The following CRYBG1 variants were observed in gnomAD, a reference collection of about 807,000 sequenced individuals.
The protein encoded by CRYBG1 is beta/gamma crystallin domain-containing protein 1.
In CRYBG1, 139 loss-of-function variants were observed where a neutral mutation model predicts 189.2. The observed-to-expected ratio is 0.73, with a 90% CI of 0.64 to 0.85. CRYBG1 has a LOEUF of 0.85. Among genes scored for constraint, CRYBG1 ranks in the 40% least tolerant of loss-of-function variants. CRYBG1 has a pLI of 0.00. For synonymous variants in CRYBG1, 1,023 were observed against 1,017.1 expected (o/e 1.01, Z -0.11); for missense variants, 2,611 against 2,675.8 (o/e 0.98, Z 0.53).
At chr6:106,390,186 G>A (rs1327660875) in intron 1 of CRYBG1, among the ~76,000 whole-genome samples, 1 of 152,092 alleles carries the variant, frequency 6.6e-6, no homozygotes, top group Non-Finnish European at 1.5e-5. Flanking sequence ...AAATGGAGCT[G>A]TAAAGAAAAC....
At position 106,536,880 on chromosome 6, in the gene CRYBG1, G is replaced by T. The variant is rs1269517075; in HGVS notation, c.4719-2523G>T. On this transcript the variant is annotated intron_variant, in intron 8 of 21. Transcript: ENST00000633556. The stretch of plus-strand genomic sequence containing the variant: ...GAGATAGTTTCCCCCTCTCCTGATG[G>T]CCTCATAAATAATGTATCTTATTGG... 5.9e-5 allele frequency among the ~76,000 whole-genome samples: 9 copies of T among 152,242 alleles called. No homozygotes were observed. The East Asian group carries it at 1.7e-3, about 29-fold the overall frequency.
chr6:106,388,180 G>A (rs1201247867), intron 1 of CRYBG1, among the ~76,000 whole-genome samples: 1 of 152,122 alleles, frequency 6.6e-6, no homozygotes, highest in East Asian at 1.9e-4. Context: ...AATAGTAGAG[G>A]GGTAAATCAC....
intron 1 of CRYBG1, among the ~76,000 whole-genome samples, chr6:106,383,326 G>A (rs1046976021): frequency 2.0e-5 from 3 of 152,186 alleles, no homozygotes; most frequent in Admixed American, 6.5e-5. Context: ...ATCTAGCCCA[G>A]TTGGGATTAG....
At chr6:106,416,021 G>A (rs1444467469) in intron 1 of CRYBG1, among the ~76,000 whole-genome samples, 5 of 152,048 alleles carry the variant, frequency 3.3e-5, no homozygotes, top group African/African-American at 1.2e-4. Flanking sequence ...TGCCAGCTTT[G>A]CGGTGCCCAT....
intron 1 of CRYBG1, among the ~76,000 whole-genome samples, chr6:106,379,482 C>T (rs553431122): frequency 3.3e-5 from 5 of 151,724 alleles, no homozygotes; most frequent in East Asian, 2.0e-4. Flanking sequence ...AGGATGGTCT[C>T]GATCTCCTGA....
Position 106,560,901 on chromosome 6 carries a change from T to A in CRYBG1, c.5954T>A (p.Ile1985Lys). The stretch of plus-strand genomic sequence containing the variant: ...TATGAATTCAGTGGCTGTCGCCAAA[T>A]AGGTTCTCTACGACCTTTTGTTCAG... The part of the protein sequence containing the change: ...NWYEFSGCRQ[I>K]GSLRPFVQKR... Residue 1985 changes from isoleucine (I) to lysine (K), a missense_variant, in exon 19 of 22, where the codon ATA becomes AAA. Ile to Lys is a moderately radical substitution (Grantham distance 102). Coordinates refer to ENST00000633556, the MANE Select transcript of CRYBG1 (RefSeq NM_001371242.2). 1 of 1,612,412 alleles carries A rather than the reference T, an allele frequency of 6.2e-7. No individual in the cohort carries two copies. The highest frequency in any genetic ancestry group is 8.5e-7 in the Non-Finnish European group (1 of 1,179,230).
At chr6:106,557,799 T>A (rs1465489235) in intron 17 of CRYBG1, among the ~76,000 whole-genome samples, 1 of 152,234 alleles carries the variant, frequency 6.6e-6, no homozygotes, top group African/African-American at 2.4e-5. Context: ...TAATGTAGAA[T>A]CAAAAGTGTC....
At chr6:106,491,910 A>G (rs894492722) in intron 2 of CRYBG1, among the ~76,000 whole-genome samples, 3 of 152,048 alleles carry the variant, frequency 2.0e-5, no homozygotes, top group Non-Finnish European at 4.4e-5. Context: ...AACCTCCCAT[A>G]TATTCATTCC....
At chr6:106,428,599 TC>T (rs1562304153) in intron 1 of CRYBG1, among the ~76,000 whole-genome samples, 1 of 152,228 alleles carries the variant, frequency 6.6e-6, no homozygotes, top group African/African-American at 2.4e-5. Flanking sequence ...TGTATGGTCA[TC>T]CTTATTCTAC....
intron 1 of CRYBG1, among the ~76,000 whole-genome samples, chr6:106,381,777 T>C (rs1052720457): frequency 6.6e-6 from 1 of 152,212 alleles, no homozygotes; most frequent in Non-Finnish European, 1.5e-5. Flanking sequence ...GTTTCTCTGG[T>C]ACTTTCTGCT....
intron 13 of CRYBG1, among the ~76,000 whole-genome samples, chr6:106,549,820 G>A (rs541010419): frequency 6.0e-4 from 91 of 152,164 alleles, no homozygotes; most frequent in African/African-American, 2.1e-3. Context: ...TCATATTCTA[G>A]TAATTACTGT....
chr6:106,494,740 G>C (rs971691416), intron 2 of CRYBG1, among the ~76,000 whole-genome samples: 1 of 152,124 alleles, frequency 6.6e-6, no homozygotes, highest in Non-Finnish European at 1.5e-5. Context: ...ATTATGAGGT[G>C]AGCATAATTT....
At chr6:106,362,881 C>G (rs901773606) in intron 1 of CRYBG1, among the ~76,000 whole-genome samples, 2 of 152,152 alleles carry the variant, frequency 1.3e-5, no homozygotes, top group Non-Finnish European at 2.9e-5. Flanking sequence ...TTATCATTTA[C>G]TGTCTATCAA....
intron 1 of CRYBG1, among the ~76,000 whole-genome samples, chr6:106,440,956 T>C (rs12213855): frequency 0.12 from 18,789 of 152,262 alleles, 1,466 homozygotes; most frequent in African/African-American, 0.22. Flanking sequence ...TTTATAACGA[T>C]GTCCTTTTCT....
intron 18 of CRYBG1, among the ~76,000 whole-genome samples, chr6:106,560,446 T>C (rs9486396): frequency 0.15 from 22,234 of 152,138 alleles, 1,909 homozygotes; most frequent in African/African-American, 0.22. Context: ...ACTAAGAGCT[T>C]TGGAAATATT....
At chr6:106,523,375 C>A (rs1773654171) in intron 4 of CRYBG1, among the ~76,000 whole-genome samples, 1 of 152,104 alleles carries the variant, frequency 6.6e-6, no homozygotes, top group Non-Finnish European at 1.5e-5. Context: ...GTCCACTTCC[C>A]ATTCATTACT....
In CRYBG1 at chr6:106,571,983, A is replaced by G; in HGVS notation, c.*3417A>G. ...AAATAAGAACGTCAACAATCACTAA[A>G]CTGCATTTTTATTTAAACAACATTA... On this transcript the variant is annotated 3_prime_UTR_variant, in exon 22 of 22. Transcript: ENST00000633556. 1.9e-6 allele frequency: 3 copies of G among 1,596,832 alleles called. No individual in the cohort carries two copies. The highest frequency in any genetic ancestry group is 2.6e-6 in the Non-Finnish European group (3 of 1,164,978).
At chr6:106,383,834 T>C (rs1770332494) in intron 1 of CRYBG1, among the ~76,000 whole-genome samples, 1 of 152,344 alleles carries the variant, frequency 6.6e-6, no homozygotes, top group Admixed American at 6.5e-5. Context: ...ATACACTACT[T>C]AGAACCACAT....
At chr6:106,488,753 C>T (rs981690576) in intron 2 of CRYBG1, among the ~76,000 whole-genome samples, 5 of 152,064 alleles carry the variant, frequency 3.3e-5, no homozygotes, top group South Asian at 2.1e-4. Flanking sequence ...TGAATTTTGG[C>T]GTGGGTGTCC....
Sources: gnomAD v4.1 joint callset for allele counts (sites outside exome capture counted in the v4.1 genomes callset) on GRCh38, gnomAD v4.1.1 for gene constraint, MANE v1.5 for transcripts, NCBI Gene and HGNC (gene_info 2026-07-23, HGNC 2026-07-21) for gene names.